Variants in C2orf49 observed in about 807,000 individuals in gnomAD.
C2orf49 encodes the protein tRNA splicing ligase complex subunit 2.
A neutral mutation model predicts 20.6 loss-of-function variants in C2orf49; 11 were observed. The observed-to-expected ratio is 0.53, with a 90% CI of 0.34 to 0.88. C2orf49 has a LOEUF of 0.88. Among genes scored for constraint, C2orf49 ranks in the 40% least tolerant of loss-of-function variants. The probability of loss-of-function intolerance (pLI) is 0.02; values close to 1 mark genes in which losing one functional copy is unlikely to be tolerated. For missense variants in C2orf49, 289 were observed against 274.2 expected (o/e 1.05, Z -0.38); for synonymous variants, 134 against 108.5 (o/e 1.24, Z -1.46).
chr2:105,383,221 C>T, the C2orf49 span, among the ~76,000 whole-genome samples: 1 of 152,192 alleles, frequency 6.6e-6, no homozygotes, highest in Non-Finnish European at 1.5e-5. Flanking sequence ...TTTTGAAGCC[C>T]AGAACGTAGG....
the C2orf49 span, chr2:105,378,380 C>T: frequency 2.8e-6 from 1 of 351,518 alleles, no homozygotes; most frequent in South Asian, 2.2e-5. Flanking sequence ...CGGATCCCAC[C>T]TCGCAAGGTG....
chr2:105,342,785 T>C lies in C2orf49; in HGVS notation c.267-63T>C, dbSNP rs1232734601. On this transcript the variant is annotated intron_variant, in intron 2 of 3. Coordinates refer to ENST00000258457, the MANE Select transcript of C2orf49 (RefSeq NM_024093.3). ...TGTTTACTGCTTATTTTAACTTGAA[T>C]CCCAGTGAACTGGTTTGCCGTTCCA... 6 of 1,505,026 alleles carry C rather than the reference T, an allele frequency of 4.0e-6. No individual in the cohort carries two copies. The East Asian group carries it at 1.4e-4, about 34-fold the overall frequency. 93.2% of individuals were successfully genotyped at this position (1,505,026 alleles called of 1,614,324 possible). A position where few individuals can be genotyped will look rare whatever the true frequency, so the allele number is the denominator to read the frequency against.
At chr2:105,379,215 C>T in the C2orf49 span, among the ~76,000 whole-genome samples, 1 of 152,206 alleles carries the variant, frequency 6.6e-6, no homozygotes, top group African/African-American at 2.4e-5. Context: ...GAATAATGGA[C>T]CCACTACTGG....
chr2:105,383,485 T>A, the C2orf49 span, among the ~76,000 whole-genome samples: 4 of 152,238 alleles, frequency 2.6e-5, no homozygotes, highest in East Asian at 7.7e-4. Context: ...GTTCAAACTA[T>A]ATAACAGGCT....
At chr2:105,383,123 T>A in the C2orf49 span, among the ~76,000 whole-genome samples, 3 of 152,356 alleles carry the variant, frequency 2.0e-5, no homozygotes, top group East Asian at 5.8e-4. Flanking sequence ...TGGCCTCAAG[T>A]GTTCCACCTG....
rs1248765087 is a variant in C2orf49 at position 105,348,676 on chromosome 2, G to GT, written c.*3306dup. The GT allele has an allele frequency of 1.3e-5, 2 of 151,682 alleles. No homozygotes were observed. The highest frequency in any genetic ancestry group is 2.4e-5 in the African/African-American group (1 of 41,322). 9.4% of individuals were successfully genotyped at this position (151,682 alleles called of 1,614,324 possible). Reference sequence around the variant, plus strand: ...ATGCTTGTGCAGGTTTTGTAATTCAGTACAGAAAAGTTTAACCTTGTACAT... The same window carrying GT: ...ATGCTTGTGCAGGTTTTGTAATTCAGTTACAGAAAAGTTTAACCTTGTACAT... On this transcript the variant is annotated 3_prime_UTR_variant, in exon 4 of 4. Coordinates refer to ENST00000258457, the MANE Select transcript of C2orf49 (RefSeq NM_024093.3).
At chr2:105,350,643 G>T (rs763625361), downstream of C2orf49, among the ~76,000 whole-genome samples, 3 of 152,120 alleles carry the variant, frequency 2.0e-5, no homozygotes, top group Admixed American at 1.3e-4. Flanking sequence ...TGCTTTACCA[G>T]TTATGGTGAA....
chr2:105,337,721 G>GCCGCCCCCCCCCCCCCCCCCCC, intron 1 of C2orf49, 35 bp downstream of exon 1: 1 of 26,800 alleles, frequency 3.7e-5, no homozygotes, highest in Non-Finnish European at 6.6e-5. Context: ...GGGCGGGTGG[G>GCCGCCCCCCCCCCCCCCCCCCC]CCTTCCCAGG....
chr2:105,357,788 T>G, the C2orf49 span: 1 of 152,174 alleles, frequency 6.6e-6, no homozygotes, highest in East Asian at 1.9e-4. Context: ...GAGGAACAAC[T>G]GTAATTGTTC....
the C2orf49 span, among the ~76,000 whole-genome samples, chr2:105,356,562 G>A: frequency 5.3e-5 from 8 of 152,216 alleles, no homozygotes; most frequent in Admixed American, 2.6e-4. Context: ...GAAACAGAGC[G>A]AGATCCTGTC....
the C2orf49 span, among the ~76,000 whole-genome samples, chr2:105,373,051 C>T: frequency 6.6e-6 from 1 of 152,198 alleles, no homozygotes; most frequent in East Asian, 1.9e-4. Context: ...GGCCCAGTTG[C>T]GGCTGTGCCC....
chr2:105,338,428 A>C (rs943448724), intron 1 of C2orf49, among the ~76,000 whole-genome samples: 1 of 152,188 alleles, frequency 6.6e-6, no homozygotes, highest in Non-Finnish European at 1.5e-5. Flanking sequence ...TGTGGTTCTC[A>C]AACTTTTTAG....
the C2orf49 span, among the ~76,000 whole-genome samples, chr2:105,365,337 C>A: frequency 6.6e-6 from 1 of 152,166 alleles, no homozygotes; most frequent in South Asian, 2.1e-4. Flanking sequence ...CCTGAGAGGG[C>A]CAAGTTCATG....
In C2orf49 at chr2:105,337,557, G is replaced by A. The variant is rs754546933; in HGVS notation, c.-31G>A. The A allele has an allele frequency of 1.7e-5, 27 of 1,612,924 alleles. No homozygotes were observed. The highest frequency in any genetic ancestry group is 1.7e-4 in the Admixed American group (10 of 59,984). On this transcript the variant is annotated 5_prime_UTR_variant, in exon 1 of 4. Coordinates refer to ENST00000258457, the MANE Select transcript of C2orf49 (RefSeq NM_024093.3). ...AACGCTTCCTTCGCGGGGCTTTGTG[G>A]GTAGCCGACTGGGGTCTCCTGGCGA... is the stretch of plus-strand genomic sequence containing the variant.
chr2:105,370,211 C>A, the C2orf49 span, among the ~76,000 whole-genome samples: 1 of 151,700 alleles, frequency 6.6e-6, no homozygotes, highest in Non-Finnish European at 1.5e-5. Flanking sequence ...TGTCTCTACC[C>A]CCCCAAAAAA....
At chr2:105,337,857 C>A (rs1679546764) in intron 1 of C2orf49, among the ~76,000 whole-genome samples, 171 bp downstream of exon 1, 1 of 152,176 alleles carries the variant, frequency 6.6e-6, no homozygotes, top group African/African-American at 2.4e-5. Context: ...TCCTCGCCCC[C>A]TCTCCAAAAA....
At chr2:105,363,263 A>G in the C2orf49 span, 2 of 1,612,152 alleles carry the variant, frequency 1.2e-6, no homozygotes. Flanking sequence ...GCCCCTGGAA[A>G]TGGGAACCCC....
At chr2:105,370,510 C>A in the C2orf49 span, among the ~76,000 whole-genome samples, 6 of 152,258 alleles carry the variant, frequency 3.9e-5, no homozygotes, top group Admixed American at 3.3e-4. Context: ...AGCCGGTAAA[C>A]CCCAGCACTG....
the C2orf49 span, among the ~76,000 whole-genome samples, chr2:105,356,236 C>T: frequency 3.9e-5 from 6 of 152,098 alleles, no homozygotes; most frequent in African/African-American, 1.2e-4. Flanking sequence ...ACTAGAAATA[C>T]AAAAATGAGC....
Sources: gnomAD v4.1 joint callset for allele counts (sites outside exome capture counted in the v4.1 genomes callset) on GRCh38, gnomAD v4.1.1 for gene constraint, MANE v1.5 for transcripts, NCBI Gene and HGNC (gene_info 2026-07-23, HGNC 2026-07-21) for gene names.